EFCAB6: variants seen among roughly 807,000 people sequenced by gnomAD.
The protein encoded by EFCAB6 is EF-hand calcium-binding domain-containing protein 6.
EFCAB6 carries 156 observed loss-of-function variants against 169.8 expected under a neutral mutation model. That is an observed-to-expected ratio of 0.92 (90% confidence interval 0.81 to 1.05). EFCAB6 has a LOEUF of 1.05. EFCAB6 is among the 50% of genes least tolerant of loss of function. EFCAB6 has a pLI of 0.00. For synonymous variants in EFCAB6, 698 were observed against 676.4 expected, an observed-to-expected ratio of 1.03 and a Z score of -0.50; for missense variants, 1,800 against 1,829.1, an observed-to-expected ratio of 0.98 and a Z score of 0.29.
intron 26 of EFCAB6, among the ~76,000 whole-genome samples, chr22:43,562,696 T>G (rs1247363771): frequency 2.6e-4 from 4 of 15,448 alleles, no homozygotes; most frequent in Admixed American, 1.5e-3. Flanking sequence ...AGGTCAGGGG[T>G]GGGAGGGAGG....
At chr22:43,610,620 A>G (rs867637789) in intron 21 of EFCAB6, among the ~76,000 whole-genome samples, 1 of 152,190 alleles carries the variant, frequency 6.6e-6, no homozygotes, top group Non-Finnish European at 1.5e-5. Context: ...GGTCTAAGAT[A>G]TTGGCAATAT....
chr22:43,653,006 T>C (rs2056551918), intron 17 of EFCAB6, among the ~76,000 whole-genome samples: 1 of 152,088 alleles, frequency 6.6e-6, no homozygotes. Context: ...GAACATGGGA[T>C]TAGCAAACTG....
intron 9 of EFCAB6, among the ~76,000 whole-genome samples, chr22:43,714,664 A>T (rs1163825310): frequency 1.3e-5 from 2 of 152,188 alleles, no homozygotes; most frequent in Non-Finnish European, 2.9e-5. Flanking sequence ...TATTTACAAC[A>T]TTAAAGGAAA....
intron 10 of EFCAB6, among the ~76,000 whole-genome samples, chr22:43,694,953 ACT>A (rs1223084030): frequency 2.6e-5 from 4 of 151,990 alleles, no homozygotes; most frequent in Non-Finnish European, 4.4e-5. Flanking sequence ...TATACTTAAC[ACT>A]CTAGCCAGTC....
chr22:43,786,745 A>C (rs903962866), intron 2 of EFCAB6, among the ~76,000 whole-genome samples: 12 of 151,912 alleles, frequency 7.9e-5, no homozygotes, highest in African/African-American at 2.7e-4. Context: ...AATTTAAAAA[A>C]AGAAAGAAAA....
intron 8 of EFCAB6, among the ~76,000 whole-genome samples, chr22:43,723,264 A>G (rs1392848025): frequency 6.6e-6 from 1 of 152,182 alleles, no homozygotes; most frequent in Non-Finnish European, 1.5e-5. Flanking sequence ...AATGACAACA[A>G]AAAGTTGAAC....
chr22:43,698,827 G>T (rs760639945), intron 10 of EFCAB6, among the ~76,000 whole-genome samples: 14 of 152,140 alleles, frequency 9.2e-5, no homozygotes, highest in African/African-American at 3.4e-4. Context: ...TGGAGGAAGG[G>T]CATTTACAAT....
At chr22:43,629,192 T>C (rs2054744534) in intron 19 of EFCAB6, among the ~76,000 whole-genome samples, 1 of 152,222 alleles carries the variant, frequency 6.6e-6, no homozygotes, top group African/African-American at 2.4e-5. Flanking sequence ...TATGAGATCA[T>C]ACATGGCTAA....
intron 20 of EFCAB6, among the ~76,000 whole-genome samples, chr22:43,623,103 C>A (rs184256778): frequency 6.6e-6 from 1 of 152,136 alleles, no homozygotes; most frequent in East Asian, 1.9e-4. Context: ...TGACACTGAT[C>A]GTATCAGCTG....
chr22:43,622,131 C>A (rs1313294334), intron 20 of EFCAB6, among the ~76,000 whole-genome samples: 1 of 152,122 alleles, frequency 6.6e-6, no homozygotes, highest in Non-Finnish European at 1.5e-5. Context: ...TCCATACAAT[C>A]CAGAAAATAG....
chr22:43,635,278 G>C, intron 17 of EFCAB6, 62 bp from the exon 18 acceptor site: 3 of 1,177,044 alleles, frequency 2.5e-6, no homozygotes, highest in Non-Finnish European at 3.8e-6. Context: ...ACTACTCCCA[G>C]AGCACCTCCT....
chr22:43,540,274 C>T lies in EFCAB6; in HGVS notation c.3732G>A (p.Glu1244=), dbSNP rs752175148. ...CAGTGGCCATTGGTGTGGCTGCTGTCTCGGAACTGAACCTGCTCAGGAAGT... is the reference window on the plus strand; with the variant it reads ...CAGTGGCCATTGGTGTGGCTGCTGTTTCGGAACTGAACCTGCTCAGGAAGT... ...YPDFLSRFSS[E]TAATPMATGD... is the part of the protein sequence containing the mutation. The change falls in exon 28 of 32, where the codon GAG becomes GAA. Residue 1244 remains glutamate (E), a synonymous_variant. Coordinates refer to ENST00000262726, the MANE Select transcript of EFCAB6 (RefSeq NM_022785.4). 1.2e-6 allele frequency: 2 copies of T among 1,614,124 alleles called. No individual in the cohort carries two copies. Among genetic ancestry groups the T allele is most frequent in the Non-Finnish European group, 1.7e-6 (2 of 1,180,056 alleles).
At chr22:43,602,027 A>G (rs934200993) in intron 22 of EFCAB6, among the ~76,000 whole-genome samples, 1 of 152,266 alleles carries the variant, frequency 6.6e-6, no homozygotes, top group African/African-American at 2.4e-5. Flanking sequence ...CTTTGCAGGC[A>G]GGGTGCAGAT....
intron 6 of EFCAB6, 89 bp from the exon 7 acceptor site, chr22:43,736,082 T>A: frequency 7.9e-7 from 1 of 1,265,098 alleles, no homozygotes; most frequent in Non-Finnish European, 1.0e-6. Context: ...TTTTTAATAC[T>A]TTTTATAAAA....
chr22:43,567,671 C>A (rs1409643576), intron 26 of EFCAB6, among the ~76,000 whole-genome samples: 2 of 152,140 alleles, frequency 1.3e-5, no homozygotes, highest in African/African-American at 4.8e-5. Context: ...AATGGTGTGA[C>A]TGGGAAAGAA....
chr22:43,779,106 T>C (rs191109005), intron 3 of EFCAB6, among the ~76,000 whole-genome samples: 42 of 152,262 alleles, frequency 2.8e-4, no homozygotes, highest in Admixed American at 8.5e-4. Flanking sequence ...GAAAGTATTT[T>C]TAAAGAGCAC....
intron 9 of EFCAB6, 29 bp downstream of exon 9, chr22:43,716,819 G>C: frequency 6.3e-7 from 1 of 1,589,988 alleles, no homozygotes; most frequent in South Asian, 1.2e-5. Flanking sequence ...TTACTCTGTA[G>C]GTAATTGTGG....
Position 43,636,912 on chromosome 22 carries a change from ATTC to A in EFCAB6, c.1984-1699_1984-1697del, listed in dbSNP as rs1307191130. Among the ~76,000 whole-genome samples the A allele has an allele frequency of 3.9e-5, 6 of 152,058 alleles. No homozygotes were observed. In the South Asian group the frequency reaches 1.2e-3, roughly 31 times the overall value. ...GCCACCACGCCCGTCCTCAAACCTC[ATTC>A]TTCTTATTAACCACTGTGATGAGAT... On this transcript the variant is annotated intron_variant, in intron 17 of 31. Transcript: ENST00000262726.
Position 43,632,166 on chromosome 22 carries a change from T to C in EFCAB6, c.2171A>G (p.His724Arg), listed in dbSNP as rs1432273256. Reference sequence around the variant, plus strand: ...CAGGCATTCTTCTGCGGTGATAAAGTGGCTGTTCACGTAACTTTTTGAAGG... The same window carrying C: ...CAGGCATTCTTCTGCGGTGATAAAGCGGCTGTTCACGTAACTTTTTGAAGG... ...PTPSKSYVNS[H>R]FITAEECLKL... is the part of the protein sequence containing the mutation. Residue 724 changes from histidine to arginine, a missense_variant, in exon 19 of 32, where the codon CAC becomes CGC. Coordinates refer to ENST00000262726, the MANE Select transcript of EFCAB6 (RefSeq NM_022785.4). 2.5e-6 allele frequency: 4 copies of C among 1,614,192 alleles called. No homozygotes were observed. The highest frequency in any genetic ancestry group is 2.5e-6 in the Non-Finnish European group (3 of 1,180,036).
Sources: gnomAD v4.1 joint callset for allele counts (sites outside exome capture counted in the v4.1 genomes callset) on GRCh38, gnomAD v4.1.1 for gene constraint, MANE v1.5 for transcripts, NCBI Gene and HGNC (gene_info 2026-07-23, HGNC 2026-07-21) for gene names.